Variants in SYNE1 observed in about 807,000 individuals in gnomAD.
SYNE1 encodes the protein spectrin repeat containing nuclear envelope protein 1.
In SYNE1, 616 loss-of-function variants were observed where a neutral mutation model predicts 1,111.0. The observed-to-expected ratio is 0.55, with a 90% CI of 0.52 to 0.59. The LOEUF is 0.59. SYNE1 is among the 20% of genes least tolerant of loss of function. The pLI, the probability that SYNE1 is intolerant of heterozygous loss-of-function variation, is 0.00. For synonymous variants in SYNE1, 3,855 were observed against 3,825.8 expected (o/e 1.01, Z -0.28); for missense variants, 10,006 against 10,417.0 (o/e 0.96, Z 1.72).
chr6:152,605,545 G>A (rs2099612488), intron 3 of SYNE1, among the ~76,000 whole-genome samples: 1 of 152,134 alleles, frequency 6.6e-6, no homozygotes, highest in Non-Finnish European at 1.5e-5. Context: ...TTAATATGTG[G>A]CTGATTGTAA....
At chr6:152,536,809 C>T (rs1053813412) in intron 4 of SYNE1, among the ~76,000 whole-genome samples, 3 of 152,024 alleles carry the variant, frequency 2.0e-5, no homozygotes, top group Non-Finnish European at 4.4e-5. Flanking sequence ...TCTTTTCAGT[C>T]TATCCATTTT....
chr6:152,586,366 C>T (rs2128470987), intron 3 of SYNE1, among the ~76,000 whole-genome samples: 1 of 152,176 alleles, frequency 6.6e-6, no homozygotes, highest in African/African-American at 2.4e-5. Context: ...TCTATATATT[C>T]CTCAAAAGAC....
At chr6:152,492,790 G>T (rs549016372) in intron 11 of SYNE1, among the ~76,000 whole-genome samples, 9 of 152,170 alleles carry the variant, frequency 5.9e-5, no homozygotes, top group South Asian at 2.1e-4. Context: ...CAATACGGAG[G>T]CTACCCACTC....
At chr6:152,253,870 A>C (rs2090152757) in intron 104 of SYNE1, among the ~76,000 whole-genome samples, 1 of 102,456 alleles carries the variant, frequency 9.8e-6, no homozygotes, top group African/African-American at 3.5e-5. Flanking sequence ...TGCAAATCAA[A>C]ACTCCACATG....
In SYNE1 at chr6:152,136,648, G is replaced by A. The variant is rs201344762; in HGVS notation, c.25629C>T (p.Gly8543=). 4.7e-5 allele frequency: 76 copies of A among 1,612,688 alleles called. 4 individuals carry two copies. In the Middle Eastern group the frequency reaches 7.8e-3, roughly 166 times the overall value. Residue 8543 remains glycine, a synonymous_variant, in exon 141 of 146, where the codon GGC becomes GGT. Coordinates refer to ENST00000367255, the MANE Select transcript of SYNE1 (RefSeq NM_182961.4). The part of the protein sequence containing the change: ...RVCSLLEEWR[G]LLQDALMQCQ... Reference sequence around the variant, plus strand: ...ACTGCATCAGGGCATCCTGCAGCAGGCCCCGCCACTCCTCCAGCAGAGAGC... The same window carrying A: ...ACTGCATCAGGGCATCCTGCAGCAGACCCCGCCACTCCTCCAGCAGAGAGC...
intron 104 of SYNE1, among the ~76,000 whole-genome samples, chr6:152,250,445 C>T (rs965513138): frequency 9.9e-5 from 15 of 152,086 alleles, no homozygotes; most frequent in Admixed American, 8.5e-4. Flanking sequence ...GAAGGATAAT[C>T]GTACCAAGGA....
At position 152,232,128 on chromosome 6, in the gene SYNE1, A is replaced by C. The variant is rs1480978232; in HGVS notation, c.20850T>G (p.Leu6950=). 6.3e-7 allele frequency: 1 copy of C among 1,576,920 alleles called. No homozygotes were observed. Among genetic ancestry groups the C allele is most frequent in the Non-Finnish European group, 8.7e-7 (1 of 1,146,940 alleles). The change falls in exon 113 of 146, where the codon CTT becomes CTG. Residue 6950 remains leucine, a synonymous_variant. Coordinates refer to ENST00000367255, the MANE Select transcript of SYNE1 (RefSeq NM_182961.4). Reference sequence around the variant, plus strand: ...AAATTTTAATTACCTTATATTTCTGAAGGTATTCATGAATTGCCTTGTAAC... The same window carrying C: ...AAATTTTAATTACCTTATATTTCTGCAGGTATTCATGAATTGCCTTGTAAC... The part of the protein sequence containing the change: ...SIGYKAIHEY[L]QKYKGFKIDI...
intron 78 of SYNE1, among the ~76,000 whole-genome samples, chr6:152,329,443 C>T (rs1404678137): frequency 6.6e-6 from 1 of 152,218 alleles, no homozygotes; most frequent in Non-Finnish European, 1.5e-5. Flanking sequence ...ACAAGAATCA[C>T]TTGAACCCAG....
chr6:152,325,325 G>A, intron 80 of SYNE1, 23 bp from the exon 81 acceptor site: 1 of 1,608,116 alleles, frequency 6.2e-7, no homozygotes, highest in Non-Finnish European at 8.5e-7. Context: ...GTGGAGGACG[G>A]AAGAGAGGAG....
At chr6:152,134,949 G>T (rs2056709755) in intron 142 of SYNE1, 155 bp downstream of exon 142, 2 of 899,614 alleles carry the variant, frequency 2.2e-6, no homozygotes, top group African/African-American at 3.4e-5. Flanking sequence ...TACAAAGATT[G>T]GAAACCACAG....
rs1563044501 is a variant in SYNE1 at position 152,321,239 on chromosome 6, T to C, written c.16235A>G (p.Gln5412Arg). ...EVALDLKIRD[Q>R]IQDKIKEVEQ... is the part of the protein sequence containing the mutation. ...ACTCTTTCTTGATCATAGGTTTACC[T>C]GATCTCGGATCTTTAGATCTAACGC... Residue 5412 changes from glutamine (Q) to arginine (R), a missense_variant and splice_region_variant, in exon 84 of 146, where the codon CAG becomes CGG. By Grantham distance (43) the Gln-to-Arg change is conservative. Coordinates refer to ENST00000367255, the MANE Select transcript of SYNE1 (RefSeq NM_182961.4). 2 of 1,613,762 alleles carry C rather than the reference T, an allele frequency of 1.2e-6. No individual in the cohort carries two copies. Among genetic ancestry groups the C allele is most frequent in the East Asian group, 2.2e-5 (1 of 44,824 alleles).
intron 58 of SYNE1, chr6:152,376,141 A>G (rs967594244): frequency 2.2e-5 from 11 of 499,532 alleles, no homozygotes; most frequent in Non-Finnish European, 3.6e-5. Flanking sequence ...CTCTGTGTGC[A>G]CAGTTCACAA....
chr6:152,400,448 G>A (rs182818899), intron 47 of SYNE1, among the ~76,000 whole-genome samples: 19 of 152,238 alleles, frequency 1.2e-4, no homozygotes, highest in African/African-American at 4.3e-4. Context: ...TGGATCATTT[G>A]AGGTCAGGAG....
intron 6 of SYNE1, among the ~76,000 whole-genome samples, chr6:152,513,350 CAG>C (rs1483726520): frequency 1.3e-4 from 19 of 151,548 alleles, no homozygotes; most frequent in African/African-American, 4.6e-4. Context: ...CTAATCTAAT[CAG>C]ATTTTTCTTT....
intron 3 of SYNE1, among the ~76,000 whole-genome samples, chr6:152,613,545 A>G (rs2099637954): frequency 6.6e-6 from 1 of 152,240 alleles, no homozygotes. Flanking sequence ...GGATAGGTAG[A>G]ATCAATATTG....
In SYNE1 at chr6:152,168,011, T is replaced by C. The variant is rs186591915; in HGVS notation, c.23628-3686A>G. On this transcript the variant is annotated intron_variant, in intron 130 of 145. Coordinates refer to ENST00000367255, the MANE Select transcript of SYNE1 (RefSeq NM_182961.4). Reference sequence around the variant, plus strand: ...CAACACCAATCCTCTTCATGTAACATTGGCAAAAACAGTTCTGGATTAAGG... The same window carrying C: ...CAACACCAATCCTCTTCATGTAACACTGGCAAAAACAGTTCTGGATTAAGG... 1,088 of 779,488 alleles carry C rather than the reference T, an allele frequency of 1.4e-3. 3 individuals are homozygous for C. The Middle Eastern group carries it at 0.02, about 14-fold the overall frequency. 48.3% of individuals were successfully genotyped at this position (779,488 alleles called of 1,614,324 possible).
intron 53 of SYNE1, 44 bp from the exon 54 acceptor site, chr6:152,387,425 A>G: frequency 6.3e-7 from 1 of 1,591,224 alleles, no homozygotes; most frequent in Non-Finnish European, 8.6e-7. Context: ...TTATTTTGAC[A>G]TCTCTACTGA....
chr6:152,441,203 G>A lies in SYNE1; in HGVS notation c.4076C>T (p.Thr1359Ile). 1 of 1,612,870 alleles carries A rather than the reference G, an allele frequency of 6.2e-7. No homozygotes were observed. Among genetic ancestry groups the A allele is most frequent in the Non-Finnish European group, 8.5e-7 (1 of 1,179,290 alleles). ...CAAGAAGCGTTCATGACTGGAACCT[G>A]TTTGAAAAAGGTATCTTACTACTGT... Reference protein sequence around the residue: ...KETVVRYLFQTGSSHERFLSF... With the variant: ...KETVVRYLFQIGSSHERFLSF... The change falls in exon 32 of 146, where the codon ACA becomes ATA. Residue 1359 changes from threonine to isoleucine, a missense_variant. Thr to Ile is a moderately conservative substitution (Grantham distance 89). Transcript: ENST00000367255.
chr6:152,452,140 G>T (rs1369903720), intron 25 of SYNE1, among the ~76,000 whole-genome samples: 1 of 152,058 alleles, frequency 6.6e-6, no homozygotes, highest in South Asian at 2.1e-4. Flanking sequence ...TCTTTTAAAT[G>T]ATAAACATAA....
Sources: allele counts gnomAD v4.1 joint callset (sites outside exome capture counted in the v4.1 genomes callset), GRCh38; gene constraint gnomAD v4.1.1; transcripts MANE v1.5; gene names NCBI Gene and HGNC (gene_info 2026-07-23, HGNC 2026-07-21).